Variants in ENAH observed in about 807,000 individuals in gnomAD.
The protein encoded by ENAH is protein enabled homolog.
A neutral mutation model predicts 78.7 loss-of-function variants in ENAH; 23 were observed. The observed-to-expected ratio is 0.29, with a 90% CI of 0.21 to 0.41. The LOEUF (loss-of-function observed/expected upper bound fraction) is 0.41, where lower values mean the gene tolerates loss of function less well. ENAH is among the 10% of genes least tolerant of loss of function. The probability of loss-of-function intolerance (pLI) is 1.00; values close to 1 mark genes in which losing one functional copy is unlikely to be tolerated. For missense variants in ENAH, 544 were observed against 691.0 expected, an observed-to-expected ratio of 0.79 and a Z score of 2.39; for synonymous variants, 226 against 241.0, an observed-to-expected ratio of 0.94 and a Z score of 0.58.
chr1:225,620,979 T>G (rs1259553735), intron 1 of ENAH, among the ~76,000 whole-genome samples: 1 of 151,930 alleles, frequency 6.6e-6, no homozygotes, highest in Non-Finnish European at 1.5e-5. Context: ...CACTCCAGCC[T>G]GGGTAACAGA....
chr1:225,560,997 A>G (rs1273983700), intron 2 of ENAH, among the ~76,000 whole-genome samples: 1 of 152,172 alleles, frequency 6.6e-6, no homozygotes, highest in East Asian at 1.9e-4. Context: ...GCACTTTGGG[A>G]GGCCAAGGCG....
intron 10 of ENAH, among the ~76,000 whole-genome samples, chr1:225,511,535 C>A (rs892500203): frequency 2.6e-5 from 4 of 152,230 alleles, no homozygotes; most frequent in Non-Finnish European, 5.9e-5. Context: ...AACTAACATG[C>A]TCACTTTATT....
intron 3 of ENAH, among the ~76,000 whole-genome samples, chr1:225,544,514 G>A (rs1205478031): frequency 6.6e-6 from 1 of 152,194 alleles, no homozygotes; most frequent in African/African-American, 2.4e-5. Context: ...GTGTCTGTAT[G>A]ACAACAAACT....
At chr1:225,501,555 T>G (rs1345131216) in intron 11 of ENAH, among the ~76,000 whole-genome samples, 1 of 152,218 alleles carries the variant, frequency 6.6e-6, no homozygotes, top group Non-Finnish European at 1.5e-5. Context: ...AGCTGATGCC[T>G]TGGATTGCAG....
chr1:225,588,801 C>CAAAAAAAAAA (rs55962047), intron 1 of ENAH, among the ~76,000 whole-genome samples: 1 of 78,438 alleles, frequency 1.3e-5, no homozygotes, highest in African/African-American at 5.3e-5. Context: ...AAGTCTGTGT[C>CAAAAAAAAAA]AAAAAAAAAA....
At chr1:225,598,197 C>A (rs1191095479) in intron 1 of ENAH, among the ~76,000 whole-genome samples, 1 of 152,036 alleles carries the variant, frequency 6.6e-6, no homozygotes, top group African/African-American at 2.4e-5. Flanking sequence ...TCCTTGCATA[C>A]ACACATATCA....
intron 1 of ENAH, among the ~76,000 whole-genome samples, chr1:225,615,717 T>C (rs1284600282): frequency 1.5e-5 from 2 of 131,762 alleles, no homozygotes; most frequent in Non-Finnish European, 1.6e-5. Context: ...AACTGAGGAG[T>C]GTCTCTGCCC....
chr1:225,583,789 C>T (rs1195549758), intron 1 of ENAH, among the ~76,000 whole-genome samples: 3 of 133,610 alleles, frequency 2.2e-5, no homozygotes, highest in Non-Finnish European at 4.7e-5. Context: ...GCCTGGGCAA[C>T]AAGAGCAAAC....
At chr1:225,610,160 T>TA (rs11324006) in intron 1 of ENAH, among the ~76,000 whole-genome samples, 1,997 of 143,078 alleles carry the variant, frequency 0.014, 28 homozygotes, top group African/African-American at 0.041. Flanking sequence ...TTATGTTCAA[T>TA]AAAAAAAAAA....
intron 1 of ENAH, among the ~76,000 whole-genome samples, chr1:225,613,887 A>G (rs2097007221): frequency 6.6e-6 from 1 of 152,152 alleles, no homozygotes; most frequent in Non-Finnish European, 1.5e-5. Flanking sequence ...GATCAGTCCC[A>G]GAAGACCACC....
chr1:225,597,706 A>C (rs531383877), intron 1 of ENAH, among the ~76,000 whole-genome samples: 3 of 151,564 alleles, frequency 2.0e-5, no homozygotes, highest in Non-Finnish European at 2.9e-5. Flanking sequence ...AATGAAACCC[A>C]ATGTGCCATG....
In ENAH at chr1:225,495,835, A is replaced by G. The variant is rs938619984; in HGVS notation, c.*1940T>C. The G allele has an allele frequency of 6.6e-6, 1 of 152,644 alleles. No homozygotes were observed. Among genetic ancestry groups the G allele is most frequent in the African/African-American group, 2.4e-5 (1 of 41,464 alleles). 9.5% of individuals were successfully genotyped at this position (152,644 alleles called of 1,614,324 possible). On this transcript the variant is annotated 3_prime_UTR_variant, in exon 14 of 14. Transcript: ENST00000366843. The stretch of plus-strand genomic sequence containing the variant: ...GCATGACAATGAATATCTGATAGAA[A>G]AAAGAAATGTATACTTGAATTATGA...
intron 1 of ENAH, among the ~76,000 whole-genome samples, chr1:225,595,720 T>C (rs1184375248): frequency 6.6e-6 from 1 of 152,214 alleles, no homozygotes; most frequent in Non-Finnish European, 1.5e-5. Flanking sequence ...GTAATCTTTA[T>C]AGTATAGCTA....
chr1:225,630,678 AATAAATTATC>A (rs1295389667), intron 1 of ENAH, among the ~76,000 whole-genome samples: 1 of 152,210 alleles, frequency 6.6e-6, no homozygotes, highest in African/African-American at 2.4e-5. Flanking sequence ...CCTGGCAGAA[AATAAATTATC>A]ATACATGAGA....
intron 3 of ENAH, among the ~76,000 whole-genome samples, chr1:225,537,754 C>A (rs1272155058): frequency 6.7e-6 from 1 of 148,652 alleles, no homozygotes; most frequent in African/African-American, 2.5e-5. Flanking sequence ...GTCCCTTTAT[C>A]GCTAATGCAG....
chr1:225,611,089 C>T (rs1267377493), intron 1 of ENAH, among the ~76,000 whole-genome samples: 1 of 152,160 alleles, frequency 6.6e-6, no homozygotes, highest in African/African-American at 2.4e-5. Flanking sequence ...AAGACTGTGA[C>T]TAGAAGAGGG....
At chr1:225,534,021 C>T (rs2096550178) in intron 3 of ENAH, among the ~76,000 whole-genome samples, 1 of 152,122 alleles carries the variant, frequency 6.6e-6, no homozygotes. Context: ...GATTCACCTT[C>T]ACTTAGGTCA....
At chr1:225,541,069 G>A (rs1318266063) in intron 3 of ENAH, among the ~76,000 whole-genome samples, 1 of 152,216 alleles carries the variant, frequency 6.6e-6, no homozygotes, top group Non-Finnish European at 1.5e-5. Context: ...CAGATGCTGG[G>A]AGGTATGGAG....
At chr1:225,642,226 A>G (rs1661206732) in intron 1 of ENAH, among the ~76,000 whole-genome samples, 1 of 151,334 alleles carries the variant, frequency 6.6e-6, no homozygotes, top group African/African-American at 2.4e-5. Flanking sequence ...AAAAAAAAAA[A>G]GAAGATACAT....
Sources: gnomAD v4.1 joint callset for allele counts (sites outside exome capture counted in the v4.1 genomes callset) on GRCh38, gnomAD v4.1.1 for gene constraint, MANE v1.5 for transcripts, NCBI Gene and HGNC (gene_info 2026-07-23, HGNC 2026-07-21) for gene names.